Variants in TRPV4 observed in about 807,000 individuals in gnomAD.
TRPV4 encodes the protein OSM9-like transient receptor potential channel 4.
TRPV4 carries 58 observed loss-of-function variants against 84.1 expected under a neutral mutation model. The observed-to-expected ratio is 0.69, with a 90% CI of 0.56 to 0.86. The LOEUF (loss-of-function observed/expected upper bound fraction) is 0.86. Ranked by LOEUF, TRPV4 falls within the 40% of genes least tolerant of loss-of-function variation. The probability of loss-of-function intolerance (pLI) is 0.00; values close to 1 mark genes in which losing one functional copy is unlikely to be tolerated. For synonymous variants in TRPV4, 489 were observed against 500.9 expected (o/e 0.98, Z 0.32); for missense variants, 879 against 1,181.1 (o/e 0.74, Z 3.75).
At chr12:109,810,644 A>G (rs149877302) in intron 2 of TRPV4, among the ~76,000 whole-genome samples, 87 of 152,320 alleles carry the variant, frequency 5.7e-4, no homozygotes, top group African/African-American at 2.0e-3. Flanking sequence ...TGACAGGGGC[A>G]CAGGCACAGA....
intron 1 of TRPV4, among the ~76,000 whole-genome samples, chr12:109,818,047 A>C (rs1224944767): frequency 6.6e-6 from 1 of 152,004 alleles, no homozygotes; most frequent in African/African-American, 2.4e-5. Context: ...AGAGAGGCTA[A>C]GTGACTTGCC....
At position 109,786,072 on chromosome 12, in the gene TRPV4, T is replaced by C. The variant is rs2136427758; in HGVS notation, c.2336+638A>G. ...GAGGTGGGTTCTATTATTGTTCCCA[T>C]TTCACAGATGAAGAAACTGACTTTG... On this transcript the variant is annotated intron_variant, in intron 14 of 15. Transcript: ENST00000261740. This position sits in a 1 kb window ranked among gnomAD's most constrained non-coding sequence, Gnocchi z 4.5. 6.6e-6 allele frequency among the ~76,000 whole-genome samples: 1 copy of C among 152,216 alleles called. No individual in the cohort carries two copies. The highest frequency in any genetic ancestry group is 3.4e-3 in the Middle Eastern group (1 of 294).
intron 3 of TRPV4, 134 bp downstream of exon 3, chr12:109,808,162 T>C: frequency 1.0e-6 from 1 of 968,438 alleles, no homozygotes; most frequent in Non-Finnish European, 1.6e-6. Context: ...CCAGACTCCC[T>C]GTCCAGTGCA....
In TRPV4 at chr12:109,801,773, T is replaced by C. The variant is rs566334412; in HGVS notation, c.713-1015A>G. ...TGAGCCCAGGAAGTCAAGGCTGCAG[T>C]GAGCCATGATCACACCACTGCACTC... On this transcript the variant is annotated intron_variant, in intron 4 of 15. Transcript: ENST00000261740. 1.4e-3 allele frequency among the ~76,000 whole-genome samples: 215 copies of C among 152,176 alleles called. 1 individual carries two copies. Among genetic ancestry groups the C allele is most frequent in the African/African-American group, 5.0e-3 (209 of 41,526 alleles).
rs1263598241 is a variant in TRPV4 at position 109,798,556 on chromosome 12, T to C, written c.1152+58A>G. 1 of 1,583,588 alleles carries C rather than the reference T, an allele frequency of 6.3e-7. No homozygotes were observed. Among genetic ancestry groups the C allele is most frequent in the Non-Finnish European group, 8.6e-7 (1 of 1,163,422 alleles). ...TGAATACCAGCAGCAGACCCTCGTG[T>C]GTGTGTGCAGAGGGGTACGAGTAGG... On this transcript the variant is annotated intron_variant, in intron 6 of 15. Coordinates refer to ENST00000261740, the MANE Select transcript of TRPV4 (RefSeq NM_021625.5). The surrounding 1 kb of genome is among the most constrained non-coding windows in gnomAD (Gnocchi z 5.0).
intron 1 of TRPV4, among the ~76,000 whole-genome samples, chr12:109,821,684 C>A (rs1358746192): frequency 6.6e-6 from 1 of 152,228 alleles, no homozygotes; most frequent in East Asian, 1.9e-4. Context: ...GCATGCACCA[C>A]AACACCCGGC....
At chr12:109,787,057 C>T (rs1889736957) in intron 13 of TRPV4, among the ~76,000 whole-genome samples, 1 of 152,160 alleles carries the variant, frequency 6.6e-6, no homozygotes, top group South Asian at 2.1e-4. Context: ...GGCTGCCGCC[C>T]AAGCCCTATC....
chr12:109,816,952 G>A (rs1182097458), intron 1 of TRPV4, among the ~76,000 whole-genome samples: 1 of 152,158 alleles, frequency 6.6e-6, no homozygotes, highest in East Asian at 1.9e-4. Context: ...GTTTGACCAT[G>A]GGCAAATCAC....
At position 109,796,847 on chromosome 12, in the gene TRPV4, C is replaced by T. The variant is rs574848157; in HGVS notation, c.1153-143G>A. ...CTTTCCTCATCTTGTTTAATTCTTGCTCTTATTATCTTGGTTTACAGATAA... is the reference window on the plus strand; with the variant it reads ...CTTTCCTCATCTTGTTTAATTCTTGTTCTTATTATCTTGGTTTACAGATAA... On this transcript the variant is annotated intron_variant, in intron 6 of 15. Coordinates refer to ENST00000261740, the MANE Select transcript of TRPV4 (RefSeq NM_021625.5). The surrounding 1 kb of genome is among the most constrained non-coding windows in gnomAD (Gnocchi z 4.2). The T allele has an allele frequency of 2.8e-4, 242 of 864,084 alleles. No individual in the cohort carries two copies. In the African/African-American group the frequency reaches 4.0e-3, roughly 14 times the overall value. 53.5% of individuals were successfully genotyped at this position (864,084 alleles called of 1,614,324 possible).
chr12:109,792,243 CAAAAAAAAAAAAA>C (rs768558199), intron 12 of TRPV4, 107 bp downstream of exon 12: 2 of 374,648 alleles, frequency 5.3e-6, no homozygotes, highest in Non-Finnish European at 8.9e-6. Context: ...AACTCCACCT[CAAAAAAAAAAAAA>C]AAAAAAAAAG....
chr12:109,789,259 G>A (rs1889890146), intron 12 of TRPV4, among the ~76,000 whole-genome samples: 1 of 152,140 alleles, frequency 6.6e-6, no homozygotes, highest in Non-Finnish European at 1.5e-5. Flanking sequence ...CATCAGGTGG[G>A]TGGAGGCCAG....
chr12:109,788,548 C>G lies in TRPV4; in HGVS notation c.2060G>C (p.Ser687Thr). Reference protein sequence around the residue: ...TIGMGDLEMLSSTKYPVVFII... With the variant: ...TIGMGDLEMLTSTKYPVVFII... ...GAAGACCACGGGGTACTTGGTGCTG[C>G]TCAGCATCTCCAGGTCGCCCATGCC... Residue 687 changes from serine to threonine, a missense_variant, in exon 13 of 16, where the codon AGC (serine) becomes ACC (threonine). Ser to Thr is a moderately conservative substitution (Grantham distance 58, BLOSUM62 1). Coordinates refer to ENST00000261740, the MANE Select transcript of TRPV4 (RefSeq NM_021625.5). 1 of 1,614,240 alleles carries G rather than the reference C, an allele frequency of 6.2e-7. No individual in the cohort carries two copies.
chr12:109,814,976 T>A lies in TRPV4; in HGVS notation c.-31-149A>T. 1.4e-6 allele frequency: 1 copy of A among 738,122 alleles called. No individual in the cohort carries two copies. The highest frequency in any genetic ancestry group is 1.8e-5 in the South Asian group (1 of 54,440). The allele number at this position is 738,122 out of a possible 1,614,324, so 45.7% of individuals were successfully genotyped here. A position where few individuals can be genotyped will look rare whatever the true frequency, so the allele number is the denominator to read the frequency against. On this transcript the variant is annotated intron_variant, in intron 1 of 15. Coordinates refer to ENST00000261740, the MANE Select transcript of TRPV4 (RefSeq NM_021625.5). The surrounding 1 kb of genome is among the most constrained non-coding windows in gnomAD (Gnocchi z 5.4). ...GGGGCACAGGGAGGCCACTCCCAGA[T>A]GTGGTTGGCCGCCAGCCTCAGGCGG...
At chr12:109,805,155 C>A (rs1891041347) in intron 3 of TRPV4, among the ~76,000 whole-genome samples, 2 of 152,216 alleles carry the variant, frequency 1.3e-5, no homozygotes, top group Non-Finnish European at 2.9e-5. Flanking sequence ...CCTGTGGGCA[C>A]CTTGAGGGCA....
chr12:109,800,581 C>T, intron 5 of TRPV4, 37 bp downstream of exon 5: 6 of 1,612,832 alleles, frequency 3.7e-6, no homozygotes, highest in Non-Finnish European at 5.1e-6. Context: ...CCATGCTTCT[C>T]CAGCATGCTG....
rs2136659447 is a variant in TRPV4, at chr12:109,814,484, C to A, written c.313G>T (p.Asp105Tyr). ...TAGGTGCCGTAGTCAAACAGTGAGT[C>A]CATGGGTGCTTTCTTGGGCCCAGGC... ...VVPGPKKAPM[D>Y]SLFDYGTYRH... The change falls in exon 2 of 16, where the codon GAC (aspartate) becomes TAC (tyrosine). Residue 105 changes from aspartate to tyrosine, a missense_variant. By Grantham distance (160) the Asp-to-Tyr change is radical. Transcript: ENST00000261740. This position sits in a 1 kb window ranked among gnomAD's most constrained non-coding sequence, Gnocchi z 5.4. The A allele has an allele frequency of 1.2e-6, 2 of 1,614,110 alleles. No homozygotes were observed. Among genetic ancestry groups the A allele is most frequent in the Non-Finnish European group, 1.7e-6 (2 of 1,179,986 alleles).
intron 2 of TRPV4, among the ~76,000 whole-genome samples, chr12:109,810,333 G>A (rs1891445592): frequency 1.3e-5 from 2 of 152,218 alleles, no homozygotes; most frequent in African/African-American, 4.8e-5. Flanking sequence ...CAGGGTCTGG[G>A]AGGGAGAAGA....
intron 2 of TRPV4, among the ~76,000 whole-genome samples, chr12:109,810,670 G>A (rs958275364): frequency 6.6e-6 from 1 of 152,176 alleles, no homozygotes; most frequent in Non-Finnish European, 1.5e-5. Context: ...CCTCTAATGA[G>A]GGCACTTAGG....
rs185045817 is a variant in TRPV4, at chr12:109,786,674, C to G, written c.2336+36G>C. ...GGCCCCGAGCCAGTGGGGACAGTTC[C>G]GCCCTGCCATCCTGGCCCCACTGCC... On this transcript the variant is annotated intron_variant, in intron 14 of 15. Transcript: ENST00000261740. This position sits in a 1 kb window ranked among gnomAD's most constrained non-coding sequence, Gnocchi z 4.5. 239 of 1,612,508 alleles carry G rather than the reference C, an allele frequency of 1.5e-4. 1 individual carries two copies. The African/African-American group carries it at 3.1e-3, about 21-fold the overall frequency.
Sources: allele counts gnomAD v4.1 joint callset (sites outside exome capture counted in the v4.1 genomes callset), GRCh38; gene constraint gnomAD v4.1.1; non-coding constraint Gnocchi (gnomAD v3.1); transcripts MANE v1.5; gene names NCBI Gene and HGNC (gene_info 2026-07-23, HGNC 2026-07-21).